The following HECW1 variants were observed in gnomAD, a reference collection of about 807,000 sequenced individuals.
HECW1 encodes E3 ubiquitin-protein ligase HECW1.
In HECW1, 61 loss-of-function variants were observed where a neutral mutation model predicts 182.3. That is an observed-to-expected ratio of 0.33 (90% confidence interval 0.27 to 0.41). HECW1 has a LOEUF of 0.41. Ranked by LOEUF, HECW1 falls within the 10% of genes least tolerant of loss-of-function variation. The pLI is 1.00. For missense variants in HECW1, 1,739 were observed against 2,108.9 expected (o/e 0.82, Z 3.44); for synonymous variants, 859 against 832.6 (o/e 1.03, Z -0.55).
Position 43,213,015 on chromosome 7 carries a change from T to C in HECW1, c.-31-30860T>C, listed in dbSNP as rs527624692. Among the ~76,000 whole-genome samples, 8 of 152,274 alleles carry C rather than the reference T, an allele frequency of 5.3e-5. No individual in the cohort carries two copies. In the South Asian group the frequency reaches 1.7e-3, roughly 32 times the overall value. On this transcript the variant is annotated intron_variant, in intron 2 of 29. Transcript: ENST00000395891. ...AAGATTAAATCATATTATTACAATA[T>C]TATATCAGTAAAAGCGTAATGAAAT...
chr7:43,171,372 A>T (rs1324479819), intron 2 of HECW1, among the ~76,000 whole-genome samples: 4 of 152,218 alleles, frequency 2.6e-5, no homozygotes, highest in African/African-American at 9.6e-5. Flanking sequence ...TCACAGTTGT[A>T]TTTTCCAGTC....
At chr7:43,174,597 G>A (rs1483186938) in intron 2 of HECW1, among the ~76,000 whole-genome samples, 2 of 152,116 alleles carry the variant, frequency 1.3e-5, no homozygotes, top group Non-Finnish European at 1.5e-5. Flanking sequence ...GAGCTCCCTG[G>A]CCACCACGTC....
chr7:43,550,476 C>A lies in HECW1; in HGVS notation c.4280C>A (p.Ala1427Asp). 1 of 1,614,080 alleles carries A rather than the reference C, an allele frequency of 6.2e-7. No individual in the cohort carries two copies. Among genetic ancestry groups the A allele is most frequent in the Admixed American group, 1.7e-5 (1 of 59,994 alleles). ...VTERELKSGG[A>D]NTQVTEKNKK... is the part of the protein sequence containing the mutation. ...GAAAGGGAGTTGAAGTCTGGAGGAG[C>A]CAACACACAGGTGACGGAGAAAAAC... is the stretch of plus-strand genomic sequence containing the variant. The change falls in exon 27 of 30, where the codon GCC (alanine) becomes GAC (aspartate). Residue 1427 changes from alanine (A) to aspartate (D), a missense_variant. Physicochemically the swap from Ala to Asp is moderately radical, Grantham distance 126 (BLOSUM62 -2). Transcript: ENST00000395891.
intron 2 of HECW1, among the ~76,000 whole-genome samples, chr7:43,203,391 A>ATAATTAAAATTAAAATTTAAATCT (rs1795185509): frequency 6.6e-6 from 1 of 152,170 alleles, no homozygotes; most frequent in Non-Finnish European, 1.5e-5. Context: ...TATTTTTTAA[A>ATAATTAAAATTAAAATTTAAATCT]GATAATTCCT....
In HECW1 at chr7:43,378,672, G is replaced by A. The variant is rs184240629; in HGVS notation, c.555+17692G>A. Reference sequence around the variant, plus strand: ...ATACAAAAAATTAGCTGAGTGTGGTGGTGTGCACCTGTAATCCCAGCTACT... The same window carrying A: ...ATACAAAAAATTAGCTGAGTGTGGTAGTGTGCACCTGTAATCCCAGCTACT... On this transcript the variant is annotated intron_variant, in intron 6 of 29. Coordinates refer to ENST00000395891, the MANE Select transcript of HECW1 (RefSeq NM_015052.5). Among the ~76,000 whole-genome samples the A allele has an allele frequency of 5.3e-5, 8 of 152,232 alleles. No individual in the cohort carries two copies. The East Asian group carries it at 1.5e-3, about 29-fold the overall frequency.
chr7:43,233,784 C>T (rs553960659), intron 2 of HECW1, among the ~76,000 whole-genome samples: 5 of 152,312 alleles, frequency 3.3e-5, no homozygotes, highest in South Asian at 2.1e-4. Context: ...CCTCCACTTG[C>T]TCCTCTCTTC....
chr7:43,469,070 C>A lies in HECW1; in HGVS notation c.3064C>A (p.Arg1022=). Residue 1022 remains arginine, a synonymous_variant, in exon 16 of 30, where the codon CGG becomes AGG. Coordinates refer to ENST00000395891, the MANE Select transcript of HECW1 (RefSeq NM_015052.5). ...CGCAGACACTCGGCTGGAACTGCCCCGGGGCTGGGAGATCAAAACGGACCA... is the reference window on the plus strand; with the variant it reads ...CGCAGACACTCGGCTGGAACTGCCCAGGGGCTGGGAGATCAAAACGGACCA... ...MFADTRLELP[R]GWEIKTDQQG... 1 of 1,614,114 alleles carries A rather than the reference C, an allele frequency of 6.2e-7. No individual in the cohort carries two copies. The highest frequency in any genetic ancestry group is 1.1e-5 in the South Asian group (1 of 91,074).
At chr7:43,298,792 C>G (rs1245801639) in intron 3 of HECW1, among the ~76,000 whole-genome samples, 1 of 152,198 alleles carries the variant, frequency 6.6e-6, no homozygotes, top group Non-Finnish European at 1.5e-5. Context: ...AGCTGGTCTC[C>G]GTTGCCACCA....
intron 6 of HECW1, among the ~76,000 whole-genome samples, chr7:43,370,517 T>C (rs542229004): frequency 1.4e-4 from 22 of 152,224 alleles, no homozygotes; most frequent in Admixed American, 7.9e-4. Flanking sequence ...CCCAACGGAG[T>C]TGAAAACTTA....
chr7:43,156,378 AT>A (rs1032450445), intron 2 of HECW1, among the ~76,000 whole-genome samples: 1 of 152,182 alleles, frequency 6.6e-6, no homozygotes, highest in Non-Finnish European at 1.5e-5. Context: ...ACTTTTCTTA[AT>A]GGTCATTATT....
intron 19 of HECW1, among the ~76,000 whole-genome samples, chr7:43,493,590 G>C (rs961032446): frequency 6.6e-6 from 1 of 152,174 alleles, no homozygotes; most frequent in African/African-American, 2.4e-5. Context: ...AAAGTTTCTT[G>C]TGTGTTCTAA....
At chr7:43,206,399 T>A (rs1795486633) in intron 2 of HECW1, among the ~76,000 whole-genome samples, 1 of 152,084 alleles carries the variant, frequency 6.6e-6, no homozygotes, top group Admixed American at 6.6e-5. Flanking sequence ...CTACCGTGCT[T>A]TTTTCTGGTC....
At chr7:43,296,504 TGGC>T (rs1411090753) in intron 3 of HECW1, among the ~76,000 whole-genome samples, 1 of 152,148 alleles carries the variant, frequency 6.6e-6, no homozygotes, top group African/African-American at 2.4e-5. Flanking sequence ...ACTCTGAACT[TGGC>T]GGCGCAGCTG....
intron 17 of HECW1, among the ~76,000 whole-genome samples, chr7:43,488,445 A>AAAGAAAGAAAGAAAG (rs1554440537): frequency 2.2e-5 from 3 of 136,466 alleles, no homozygotes; most frequent in African/African-American, 8.6e-5. Context: ...AGAAAGAAAG[A>AAAGAAAGAAAGAAAG]AAGAAAGAAA....
rs10264397 is a variant in HECW1 at position 43,500,203 on chromosome 7, G to A, written c.3438-496G>A. Among the ~76,000 whole-genome samples the A allele has an allele frequency of 2.9e-3, 434 of 151,778 alleles. 6 individuals carry two copies. In the East Asian group the frequency reaches 0.034, roughly 12 times the overall value. On this transcript the variant is annotated intron_variant, in intron 19 of 29. Transcript: ENST00000395891. ...GCAACTTCCGCCTCCCGGTTCAAGC[G>A]ATTCTCCTACCTCAGCATCCTGAAT...
At chr7:43,436,102 T>A (rs1398382678) in intron 8 of HECW1, among the ~76,000 whole-genome samples, 1 of 141,192 alleles carries the variant, frequency 7.1e-6, no homozygotes, top group Non-Finnish European at 1.5e-5. Context: ...AGGCAGAGCT[T>A]GCAGTGAGCC....
intron 5 of HECW1, among the ~76,000 whole-genome samples, chr7:43,335,135 A>C (rs1811959651): frequency 1.3e-5 from 2 of 152,218 alleles, no homozygotes; most frequent in African/African-American, 4.8e-5. Flanking sequence ...ACAGTCAATA[A>C]TAGAAGGGAA....
At position 43,292,079 on chromosome 7, in the gene HECW1, T is replaced by G. The variant is rs560687928; in HGVS notation, c.28-19684T>G. On this transcript the variant is annotated intron_variant, in intron 3 of 29. Coordinates refer to ENST00000395891, the MANE Select transcript of HECW1 (RefSeq NM_015052.5). ...TACAAATGGAGATTTCCTTTATAGA[T>G]GTAAATTTCTCTTACAAAAGGGTAA... Among the ~76,000 whole-genome samples the G allele has an allele frequency of 5.2e-4, 79 of 152,360 alleles. 1 individual carries two copies. Among genetic ancestry groups the G allele is most frequent in the African/African-American group, 1.8e-3 (75 of 41,584 alleles).
At chr7:43,550,369 C>T (rs2152958650) in intron 26 of HECW1, 76 bp from the exon 27 acceptor site, 1 of 1,520,816 alleles carries the variant, frequency 6.6e-7, no homozygotes, top group African/African-American at 1.4e-5. Flanking sequence ...ATACGGTCAT[C>T]CCCCTAAAAT....
Sources: allele counts gnomAD v4.1 joint callset (sites outside exome capture counted in the v4.1 genomes callset), GRCh38; gene constraint gnomAD v4.1.1; transcripts MANE v1.5; gene names NCBI Gene and HGNC (gene_info 2026-07-23, HGNC 2026-07-21).